The following CLTCL1 variants were observed in gnomAD, a reference collection of about 807,000 sequenced individuals.
CLTCL1 encodes clathrin heavy chain 2.
A neutral mutation model predicts 190.0 loss-of-function variants in CLTCL1; 159 were observed. The observed-to-expected ratio is 0.84, with a 90% CI of 0.74 to 0.95. The LOEUF (loss-of-function observed/expected upper bound fraction) is 0.95. Among genes scored for constraint, CLTCL1 ranks in the 40% least tolerant of loss-of-function variants. The pLI, the probability that CLTCL1 is intolerant of heterozygous loss-of-function variation, is 0.00. For missense variants in CLTCL1, 1,878 were observed against 2,033.4 expected (o/e 0.92, Z 1.47); for synonymous variants, 752 against 769.6 (o/e 0.98, Z 0.38).
chr22:19,211,114 A>G (rs981812492), intron 19 of CLTCL1, among the ~76,000 whole-genome samples: 5 of 148,898 alleles, frequency 3.4e-5, no homozygotes, highest in Non-Finnish European at 5.9e-5. Flanking sequence ...AAAAATGTGG[A>G]AAAAAAATCA....
At chr22:19,239,873 C>T (rs1045891738) in intron 4 of CLTCL1, among the ~76,000 whole-genome samples, 1 of 152,006 alleles carries the variant, frequency 6.6e-6, no homozygotes, top group African/African-American at 2.4e-5. Context: ...GATGAGGGAG[C>T]CCATCCCTGC....
At chr22:19,184,566 G>C in intron 29 of CLTCL1, 1 of 456,030 alleles carries the variant, frequency 2.2e-6, no homozygotes. Context: ...CTGACCCTCA[G>C]GTGAGAGCTC....
intron 10 of CLTCL1, among the ~76,000 whole-genome samples, chr22:19,230,880 ACT>A (rs2085898241): frequency 6.6e-6 from 1 of 152,088 alleles, no homozygotes; most frequent in African/African-American, 2.4e-5. Flanking sequence ...AGAATGATCC[ACT>A]CTCAATGTCG....
At chr22:19,271,943 C>T (rs1471198348) in intron 2 of CLTCL1, among the ~76,000 whole-genome samples, 5 of 152,094 alleles carry the variant, frequency 3.3e-5, no homozygotes, top group Admixed American at 6.5e-5. Context: ...ACCATCTCTA[C>T]AAAAAATGTT....
chr22:19,235,748 G>A lies in CLTCL1; in HGVS notation c.917C>T (p.Thr306Ile). ...TCCAGAGGTTGGTTTGTGTGGAGCA[G>A]TGACAAATATTGTGTCAGCACTAAT... ...NRISADTIFV[T>I]APHKPTSGII... The change falls in exon 6 of 33, where the codon ACT (threonine) becomes ATT (isoleucine). Residue 306 changes from threonine to isoleucine, a missense_variant. Coordinates refer to ENST00000427926, the MANE Select transcript of CLTCL1 (RefSeq NM_007098.4). 6.2e-7 allele frequency: 1 copy of A among 1,614,010 alleles called. No individual in the cohort carries two copies. Among genetic ancestry groups the A allele is most frequent in the Middle Eastern group, 1.6e-4 (1 of 6,062 alleles).
intron 3 of CLTCL1, among the ~76,000 whole-genome samples, chr22:19,249,023 C>A (rs2086506661): frequency 6.6e-6 from 1 of 152,140 alleles, no homozygotes; most frequent in South Asian, 2.1e-4. Context: ...GTCTTGGCAA[C>A]CTTGTCAAAA....
At chr22:19,249,962 C>A in intron 3 of CLTCL1, 1 of 403,184 alleles carries the variant, frequency 2.5e-6, no homozygotes, top group Non-Finnish European at 5.0e-6. Context: ...AAGGTGAATA[C>A]AAATAAATGG....
chr22:19,258,783 G>A (rs1232998829), intron 2 of CLTCL1: 8 of 689,688 alleles, frequency 1.2e-5, no homozygotes, highest in African/African-American at 5.3e-5. Context: ...TGAGACCAAC[G>A]ACACCAAAGT....
chr22:19,281,451 GA>G, intron 1 of CLTCL1, among the ~76,000 whole-genome samples: 1 of 152,156 alleles, frequency 6.6e-6, no homozygotes, highest in South Asian at 2.1e-4. Context: ...TTAAAACTTG[GA>G]AAAAAATAAC....
At chr22:19,229,731 A>G in intron 11 of CLTCL1, 107 bp downstream of exon 11, 1 of 1,133,628 alleles carries the variant, frequency 8.8e-7, no homozygotes. Flanking sequence ...CAAGATAAAC[A>G]TCTGGCACAA....
intron 4 of CLTCL1, among the ~76,000 whole-genome samples, chr22:19,240,312 A>G (rs1293623985): frequency 1.3e-5 from 2 of 152,044 alleles, no homozygotes; most frequent in African/African-American, 4.8e-5. Flanking sequence ...ACAAGTCCAC[A>G]ACAAAATCCA....
chr22:19,256,254 C>T (rs1274797623), intron 2 of CLTCL1, among the ~76,000 whole-genome samples: 8 of 151,820 alleles, frequency 5.3e-5, no homozygotes, highest in South Asian at 2.1e-4. Flanking sequence ...AATTCCTGGG[C>T]TCAAGTGATC....
chr22:19,289,181 C>A (rs1555991844), intron 1 of CLTCL1, among the ~76,000 whole-genome samples: 1 of 152,126 alleles, frequency 6.6e-6, no homozygotes, highest in South Asian at 2.1e-4. Flanking sequence ...CGAGGTTTCA[C>A]CATGTTGGCC....
chr22:19,233,396 G>C lies in CLTCL1; in HGVS notation c.1368+26C>G, dbSNP rs370572038. 2.9e-5 allele frequency: 47 copies of C among 1,613,076 alleles called. No individual in the cohort carries two copies. In the Admixed American group the frequency reaches 3.3e-4, roughly 11 times the overall value. ...ACCAAGTTTTCAAGCTGTGCGGGGGGGCTACGAGCTCACAAGTGTTTCTAC... is the reference window on the plus strand; with the variant it reads ...ACCAAGTTTTCAAGCTGTGCGGGGGCGCTACGAGCTCACAAGTGTTTCTAC... On this transcript the variant is annotated intron_variant, in intron 8 of 32. Transcript: ENST00000427926.
chr22:19,221,913 C>A, intron 16 of CLTCL1, 38 bp downstream of exon 16: 1 of 1,607,500 alleles, frequency 6.2e-7, no homozygotes, highest in South Asian at 1.1e-5. Context: ...ACACTAGAAT[C>A]CAGGGGTAAG....
At chr22:19,190,157 T>C (rs1555930702) in intron 27 of CLTCL1, among the ~76,000 whole-genome samples, 1 of 152,176 alleles carries the variant, frequency 6.6e-6, no homozygotes, top group Non-Finnish European at 1.5e-5. Flanking sequence ...GCCAGGCTAG[T>C]CTCGAACTCC....
At chr22:19,265,898 G>C (rs1220082504) in intron 2 of CLTCL1, among the ~76,000 whole-genome samples, 1 of 151,978 alleles carries the variant, frequency 6.6e-6, no homozygotes, top group African/African-American at 2.4e-5. Context: ...TTACAGACAG[G>C]GTCTCACTCT....
At chr22:19,243,758 C>T (rs758699803) in intron 3 of CLTCL1, among the ~76,000 whole-genome samples, 15 of 130,734 alleles carry the variant, frequency 1.1e-4, no homozygotes, top group Non-Finnish European at 2.2e-4. Context: ...AGTGCAGTGG[C>T]GTGATCTCGG....
chr22:19,192,063 C>CTT (rs782761355), intron 26 of CLTCL1, among the ~76,000 whole-genome samples: 1,564 of 118,270 alleles, frequency 0.013, 47 homozygotes, highest in South Asian at 0.024. Flanking sequence ...GCGATGTCAT[C>CTT]TTTTTTTTTT....
Sources: allele counts gnomAD v4.1 joint callset (sites outside exome capture counted in the v4.1 genomes callset), GRCh38; gene constraint gnomAD v4.1.1; transcripts MANE v1.5; gene names NCBI Gene and HGNC (gene_info 2026-07-23, HGNC 2026-07-21).